The following LRRC4C variants were observed in gnomAD, a reference collection of about 807,000 sequenced individuals.
LRRC4C encodes the protein leucine rich repeat containing 4C.
Under a neutral mutation model 33.6 loss-of-function variants are expected in LRRC4C, and 5 were observed. The observed-to-expected ratio is 0.15, with a 90% confidence interval of 0.08 to 0.31. The LOEUF (loss-of-function observed/expected upper bound fraction) is 0.31, where lower values mean the gene tolerates loss of function less well. LRRC4C is among the 10% of genes least tolerant of loss of function. LRRC4C has a pLI of 1.00. For missense variants in LRRC4C, 560 were observed against 796.7 expected, an observed-to-expected ratio of 0.70 and a Z score of 3.58; for synonymous variants, 329 against 302.0, an observed-to-expected ratio of 1.09 and a Z score of -0.93.
chr11:41,128,296 C>T (rs1352251499), intron 1 of LRRC4C, among the ~76,000 whole-genome samples: 1 of 151,698 alleles, frequency 6.6e-6, no homozygotes, highest in African/African-American at 2.4e-5. Flanking sequence ...ATTTGCAGTT[C>T]TAAACTTGTC....
At chr11:41,090,946 C>G (rs1264301890) in intron 1 of LRRC4C, among the ~76,000 whole-genome samples, 1 of 151,002 alleles carries the variant, frequency 6.6e-6, no homozygotes, top group South Asian at 2.1e-4. Flanking sequence ...CAGTCTCAGG[C>G]AGTTCTTTAT....
chr11:41,004,558 ACTAT>A (rs1854601637), intron 1 of LRRC4C, among the ~76,000 whole-genome samples: 2 of 152,182 alleles, frequency 1.3e-5, no homozygotes, highest in African/African-American at 2.4e-5. Flanking sequence ...TACGTATGTA[ACTAT>A]CTCTTTTCTT....
chr11:40,992,434 G>GTT (rs35107751), intron 1 of LRRC4C, among the ~76,000 whole-genome samples: 85 of 147,178 alleles, frequency 5.8e-4, no homozygotes, highest in Admixed American at 3.1e-3. Context: ...AACAAAAGTG[G>GTT]TTTTTTTTTT....
At chr11:40,401,949 C>G (rs1283273437) in intron 3 of LRRC4C, among the ~76,000 whole-genome samples, 1 of 151,634 alleles carries the variant, frequency 6.6e-6, no homozygotes, top group Non-Finnish European at 1.5e-5. Context: ...ATAGCTATAC[C>G]TCTGTGGTCT....
At chr11:41,207,096 T>C (rs1175134315) in intron 1 of LRRC4C, among the ~76,000 whole-genome samples, 1 of 152,188 alleles carries the variant, frequency 6.6e-6, no homozygotes, top group Non-Finnish European at 1.5e-5. Context: ...TCCTCCTTTC[T>C]TCTTCCCAAA....
intron 1 of LRRC4C, among the ~76,000 whole-genome samples, chr11:41,289,662 C>A (rs757867259): frequency 6.6e-6 from 1 of 152,168 alleles, no homozygotes; most frequent in Non-Finnish European, 1.5e-5. Context: ...CAACCCTGAT[C>A]GCACCTTAGT....
chr11:40,152,586 T>C (rs1393703117), intron 5 of LRRC4C, among the ~76,000 whole-genome samples: 2 of 152,062 alleles, frequency 1.3e-5, no homozygotes, highest in African/African-American at 2.4e-5. Flanking sequence ...GGAAACAGAC[T>C]CCGGGCTGTT....
intron 3 of LRRC4C, among the ~76,000 whole-genome samples, chr11:40,457,113 A>C (rs950954319): frequency 2.1e-5 from 3 of 140,138 alleles, no homozygotes; most frequent in African/African-American, 9.7e-5. Context: ...GAAAAAAAAA[A>C]AAGAAAAAAA....
intron 2 of LRRC4C, among the ~76,000 whole-genome samples, chr11:40,709,552 T>C (rs565549630): frequency 7.9e-5 from 12 of 152,330 alleles, no homozygotes; most frequent in African/African-American, 2.9e-4. Flanking sequence ...TTCTGGCTTG[T>C]AGGTTTTCTG....
chr11:41,386,913 A>G (rs189983803), intron 1 of LRRC4C, among the ~76,000 whole-genome samples: 2 of 151,924 alleles, frequency 1.3e-5, no homozygotes, highest in East Asian at 3.9e-4. Context: ...GATCAGAACA[A>G]TAAGAGCTCA....
chr11:41,081,969 A>C (rs952780902), intron 1 of LRRC4C, among the ~76,000 whole-genome samples: 3 of 152,094 alleles, frequency 2.0e-5, no homozygotes, highest in Non-Finnish European at 4.4e-5. Context: ...CTGCTTCATC[A>C]GTGCTCATTG....
intron 2 of LRRC4C, among the ~76,000 whole-genome samples, chr11:40,693,273 C>G (rs1945315813): frequency 6.6e-6 from 1 of 152,230 alleles, no homozygotes; most frequent in South Asian, 2.1e-4. Context: ...CTAAATTCAT[C>G]ACATTGGAAA....
chr11:40,889,173 G>C (rs1450616275), intron 2 of LRRC4C, among the ~76,000 whole-genome samples: 2 of 151,998 alleles, frequency 1.3e-5, no homozygotes, highest in African/African-American at 4.8e-5. Flanking sequence ...TTCAAGAAAA[G>C]AGTTAGATAT....
chr11:40,416,326 T>C (rs75415245), intron 3 of LRRC4C, among the ~76,000 whole-genome samples: 7 of 152,144 alleles, frequency 4.6e-5, no homozygotes, highest in African/African-American at 7.2e-5. Context: ...GATAAAAAGA[T>C]GAGCAGGAGT....
intron 5 of LRRC4C, among the ~76,000 whole-genome samples, chr11:40,163,087 C>G (rs1207117964): frequency 6.6e-6 from 1 of 152,216 alleles, no homozygotes; most frequent in Non-Finnish European, 1.5e-5. Flanking sequence ...CCATTTGTCA[C>G]AGAGCCAAGC....
At chr11:40,957,270 G>A (rs972930598) in intron 1 of LRRC4C, among the ~76,000 whole-genome samples, 3 of 151,712 alleles carry the variant, frequency 2.0e-5, no homozygotes, top group African/African-American at 4.8e-5. Context: ...GGTGCAAGTC[G>A]CTTAGCAATT....
intron 5 of LRRC4C, among the ~76,000 whole-genome samples, chr11:40,153,868 A>G (rs1340847408): frequency 6.6e-6 from 1 of 152,236 alleles, no homozygotes; most frequent in Non-Finnish European, 1.5e-5. Context: ...CAGAAAACAT[A>G]TTTGGGGAAA....
At chr11:41,333,262 T>G (rs761825267) in intron 1 of LRRC4C, among the ~76,000 whole-genome samples, 2 of 152,198 alleles carry the variant, frequency 1.3e-5, no homozygotes, top group Admixed American at 6.5e-5. Flanking sequence ...AATTTCAAAG[T>G]AGAACACTTA....
intron 1 of LRRC4C, among the ~76,000 whole-genome samples, chr11:40,956,668 C>T (rs957897438): frequency 4.0e-5 from 6 of 151,684 alleles, no homozygotes; most frequent in Admixed American, 6.6e-5. Flanking sequence ...ATCTGTCTAC[C>T]TAAAAATCAG....
Sources: allele counts gnomAD v4.1 joint callset (sites outside exome capture counted in the v4.1 genomes callset), GRCh38; gene constraint gnomAD v4.1.1; transcripts MANE v1.5; gene names NCBI Gene and HGNC (gene_info 2026-07-23, HGNC 2026-07-21).